Variants in ANKRD31 observed in about 807,000 individuals in gnomAD.
ANKRD31 encodes the protein ankyrin repeat domain 31.
ANKRD31 carries 147 observed loss-of-function variants against 186.0 expected under a neutral mutation model. That is an observed-to-expected ratio of 0.79 (90% CI 0.69 to 0.91). The LOEUF (loss-of-function observed/expected upper bound fraction) is 0.91. Ranked by LOEUF, ANKRD31 falls within the 40% of genes least tolerant of loss-of-function variation. The probability of loss-of-function intolerance (pLI) is 0.00; values close to 1 mark genes in which losing one functional copy is unlikely to be tolerated. For synonymous variants in ANKRD31, 673 were observed against 736.4 expected, an observed-to-expected ratio of 0.91 and a Z score of 1.39; for missense variants, 1,986 against 2,148.8, an observed-to-expected ratio of 0.92 and a Z score of 1.50.
intron 10 of ANKRD31, among the ~76,000 whole-genome samples, chr5:75,174,291 G>A (rs1753591927): frequency 6.6e-6 from 1 of 152,100 alleles, no homozygotes; most frequent in East Asian, 1.9e-4. Flanking sequence ...AGAAAACCTA[G>A]GCAATACCAT....
Position 75,120,898 on chromosome 5 carries a change from A to G in ANKRD31, c.3877-2601T>C, listed in dbSNP as rs1580364784. On this transcript the variant is annotated intron_variant, in intron 17 of 25. Coordinates refer to ENST00000506364, the MANE Select transcript of ANKRD31 (RefSeq NM_001372053.1). ...CTTTACTGGTAAAGACACATAGACA[A>G]AAGATAAAGGGTGCGGTGGCTCACG... is the stretch of plus-strand genomic sequence containing the variant. Among the ~76,000 whole-genome samples, 3 of 152,126 alleles carry G rather than the reference A, an allele frequency of 2.0e-5. No individual in the cohort carries two copies. In the South Asian group the frequency reaches 6.2e-4, roughly 32 times the overall value.
In ANKRD31 at chr5:75,161,203, T is replaced by C. The variant is rs1251346700; in HGVS notation, c.1708-6858A>G. On this transcript the variant is annotated intron_variant, in intron 11 of 25. Transcript: ENST00000506364. Reference sequence around the variant, plus strand: ...CTCCCTAGAGACTTGTTGAATGGCTTTGACCAAAATGCTGATAATGATGTG... The same window carrying C: ...CTCCCTAGAGACTTGTTGAATGGCTCTGACCAAAATGCTGATAATGATGTG... 2.0e-5 allele frequency among the ~76,000 whole-genome samples: 3 copies of C among 152,156 alleles called. No individual in the cohort carries two copies. The East Asian group carries it at 5.8e-4, about 29-fold the overall frequency.
At position 75,196,138 on chromosome 5, in the gene ANKRD31, T is replaced by C. The variant is rs980318714; in HGVS notation, c.510A>G (p.Val170=). ...VSLLSGTAIT[V]SDTVAVKETS... ...TCTCCTTTACAGCAACTGTATCAGA[T>C]ACTGTAATAGCAGTGCCTGAGAGAA... Residue 170 remains valine (V), a synonymous_variant, in exon 7 of 26, where the codon GTA becomes GTG. Transcript: ENST00000506364. 6.5e-7 allele frequency: 1 copy of C among 1,531,396 alleles called. No individual in the cohort carries two copies. The highest frequency in any genetic ancestry group is 1.4e-5 in the African/African-American group (1 of 72,704). 94.9% of individuals were successfully genotyped at this position (1,531,396 alleles called of 1,614,324 possible).
rs1039184959 is a variant in ANKRD31, at chr5:75,171,126, T to C, written c.1565-2005A>G. Among the ~76,000 whole-genome samples the C allele has an allele frequency of 1.5e-4, 23 of 152,182 alleles. 1 individual carries two copies. In the Middle Eastern group the frequency reaches 0.017, roughly 113 times the overall value. Reference sequence around the variant, plus strand: ...AGCTGAACAACATTATCAACACCTTTACCTAGCTGAAATTTATAAAACATT... The same window carrying C: ...AGCTGAACAACATTATCAACACCTTCACCTAGCTGAAATTTATAAAACATT... On this transcript the variant is annotated intron_variant, in intron 10 of 25. Transcript: ENST00000506364.
At chr5:75,130,405 A>G (rs937413667) in intron 17 of ANKRD31, among the ~76,000 whole-genome samples, 1 of 152,152 alleles carries the variant, frequency 6.6e-6, no homozygotes, top group Admixed American at 6.5e-5. Flanking sequence ...GCCTGCTTTT[A>G]TTCCCTTATC....
At chr5:75,211,193 C>A (rs911743540) in intron 3 of ANKRD31, among the ~76,000 whole-genome samples, 1 of 152,220 alleles carries the variant, frequency 6.6e-6, no homozygotes, top group African/African-American at 2.4e-5. Flanking sequence ...CACCATTCTG[C>A]TTTCTGTCTT....
intron 17 of ANKRD31, among the ~76,000 whole-genome samples, chr5:75,136,795 A>G (rs569270078): frequency 4.6e-5 from 7 of 152,346 alleles, no homozygotes; most frequent in African/African-American, 1.7e-4. Flanking sequence ...GTGGATTAAG[A>G]AAAGGTGGCA....
chr5:75,214,915 G>A (rs1353007216), intron 3 of ANKRD31, among the ~76,000 whole-genome samples: 1 of 152,172 alleles, frequency 6.6e-6, no homozygotes, highest in Non-Finnish European at 1.5e-5. Context: ...ATCCTCCAGA[G>A]AAACAGAACC....
intron 17 of ANKRD31, among the ~76,000 whole-genome samples, chr5:75,129,816 C>T (rs1749597115): frequency 6.6e-6 from 1 of 152,148 alleles, no homozygotes; most frequent in Non-Finnish European, 1.5e-5. Context: ...GGAGTGTGAG[C>T]CGAAGCAGGG....
intron 4 of ANKRD31, among the ~76,000 whole-genome samples, chr5:75,209,834 T>A (rs1168448048): frequency 6.6e-6 from 1 of 152,224 alleles, no homozygotes; most frequent in East Asian, 1.9e-4. Flanking sequence ...TTGTGTTAAG[T>A]GAAACTGGCT....
intron 6 of ANKRD31, among the ~76,000 whole-genome samples, chr5:75,199,242 G>C (rs966974923): frequency 6.6e-6 from 1 of 152,078 alleles, no homozygotes; most frequent in African/African-American, 2.4e-5. Flanking sequence ...GCATCCCTGA[G>C]GAAAGCGTGA....
In ANKRD31 at chr5:75,138,748, A is replaced by G. The variant is rs573181451; in HGVS notation, c.3733+98T>C. On this transcript the variant is annotated intron_variant, in intron 16 of 25. Coordinates refer to ENST00000506364, the MANE Select transcript of ANKRD31 (RefSeq NM_001372053.1). The stretch of plus-strand genomic sequence containing the variant: ...AAGATTGTTCAAAGTTATCACTTAC[A>G]TATCAGCCAGGAACAAATTGGAGGG... 3,808 of 1,233,052 alleles carry G rather than the reference A, an allele frequency of 3.1e-3. 6 individuals carry two copies. The highest frequency in any genetic ancestry group is 3.1e-3 in the Non-Finnish European group (2,859 of 924,160). The allele number at this position is 1,233,052 out of a possible 1,614,324, so 76.4% of individuals were successfully genotyped here. A position where few individuals can be genotyped will look rare whatever the true frequency, so the allele number is the denominator to read the frequency against.
chr5:75,072,810 C>T (rs1744346727), intron 25 of ANKRD31, among the ~76,000 whole-genome samples: 1 of 152,158 alleles, frequency 6.6e-6, no homozygotes, highest in Non-Finnish European at 1.5e-5. Context: ...ATTTTTACTA[C>T]AATAACGATA....
intron 17 of ANKRD31, among the ~76,000 whole-genome samples, chr5:75,121,175 C>CTA (rs1194972603): frequency 7.3e-6 from 1 of 136,986 alleles, no homozygotes; most frequent in Non-Finnish European, 1.6e-5. Context: ...GAGTGAGACT[C>CTA]TATATAAAAA....
intron 13 of ANKRD31, 150 bp from the exon 14 acceptor site, chr5:75,147,655 C>T: frequency 1.6e-6 from 1 of 638,302 alleles, no homozygotes; most frequent in Non-Finnish European, 2.5e-6. Flanking sequence ...ATATAGCCAA[C>T]CTGATATTTC....
chr5:75,166,025 T>G (rs4703657), intron 11 of ANKRD31, among the ~76,000 whole-genome samples: 77,274 of 152,072 alleles, frequency 0.51, 22,689 homozygotes, highest in African/African-American at 0.82. Flanking sequence ...TTTCTTATCT[T>G]TTAGAGGTTT....
chr5:75,221,215 C>A (rs961740095), intron 3 of ANKRD31, among the ~76,000 whole-genome samples: 1 of 151,626 alleles, frequency 6.6e-6, no homozygotes, highest in Admixed American at 6.6e-5. Flanking sequence ...AAAAAAAAAA[C>A]CTGTGGGGTA....
intron 17 of ANKRD31, among the ~76,000 whole-genome samples, chr5:75,135,800 T>C (rs1405638510): frequency 2.0e-5 from 3 of 152,152 alleles, no homozygotes; most frequent in Admixed American, 2.0e-4. Context: ...AACAGCATGG[T>C]ACTGGCACCA....
At chr5:75,087,701 CT>C (rs1376721414) in intron 23 of ANKRD31, among the ~76,000 whole-genome samples, 2 of 152,062 alleles carry the variant, frequency 1.3e-5, no homozygotes, top group Non-Finnish European at 2.9e-5. Flanking sequence ...TGTAGGTTTT[CT>C]TTTAAATTCA....
Sources: gnomAD v4.1 joint callset for allele counts (sites outside exome capture counted in the v4.1 genomes callset) on GRCh38, gnomAD v4.1.1 for gene constraint, MANE v1.5 for transcripts, NCBI Gene and HGNC (gene_info 2026-07-23, HGNC 2026-07-21) for gene names.